Variants in MEIS1 observed in about 807,000 individuals in gnomAD.
MEIS1 encodes Meis homeobox 1.
MEIS1 carries 5 observed loss-of-function variants against 50.8 expected under a neutral mutation model. The ratio of observed to expected loss-of-function variants is 0.10; its 90% CI spans 0.05 to 0.21. The LOEUF (loss-of-function observed/expected upper bound fraction) is 0.21, where lower values mean the gene tolerates loss of function less well. MEIS1 is among the 10% of genes least tolerant of loss of function. MEIS1 has a pLI of 1.00. For missense variants in MEIS1, 318 were observed against 517.3 expected, an observed-to-expected ratio of 0.61 and a Z score of 3.74; for synonymous variants, 176 against 179.3, an observed-to-expected ratio of 0.98 and a Z score of 0.15.
chr2:66,559,815 T>C (rs1675167184), intron 9 of MEIS1, among the ~76,000 whole-genome samples: 1 of 152,150 alleles, frequency 6.6e-6, no homozygotes. Flanking sequence ...AATATAAATA[T>C]AAACCCTGTC....
Position 66,437,852 on chromosome 2 carries a change from C to T in MEIS1, c.128C>T (p.Pro43Leu), listed in dbSNP as rs553932802. The change falls in exon 2 of 13, where the codon CCT (proline) becomes CTT (leucine). Residue 43 changes from proline (P) to leucine (L), a missense_variant. Pro to Leu is a moderately conservative substitution (Grantham distance 98, BLOSUM62 -3). Coordinates refer to ENST00000272369, the MANE Select transcript of MEIS1 (RefSeq NM_002398.3). The part of the protein sequence containing the change: ...MQPVHHLNHG[P>L]PLHSHQYPHT... Reference sequence around the variant, plus strand: ...CCGGTCCACCACCTGAACCACGGGCCTCCTCTGCACTCGCATCAGTACCCG... The same window carrying T: ...CCGGTCCACCACCTGAACCACGGGCTTCCTCTGCACTCGCATCAGTACCCG... The T allele has an allele frequency of 1.2e-6, 2 of 1,613,644 alleles. No individual in the cohort carries two copies. Among genetic ancestry groups the T allele is most frequent in the Non-Finnish European group, 1.7e-6 (2 of 1,179,758 alleles).
chr2:66,509,551 G>C (rs1673772773), intron 7 of MEIS1, among the ~76,000 whole-genome samples: 1 of 152,232 alleles, frequency 6.6e-6, no homozygotes, highest in Non-Finnish European at 1.5e-5. Flanking sequence ...TTCAGGAGAG[G>C]TCACTGCCAG....
chr2:66,549,042 T>G (rs1674856053), intron 9 of MEIS1, among the ~76,000 whole-genome samples: 1 of 152,182 alleles, frequency 6.6e-6, no homozygotes. Flanking sequence ...GCACCTACAT[T>G]AACAGACCCT....
intron 6 of MEIS1, among the ~76,000 whole-genome samples, chr2:66,454,220 T>G (rs1672337886): frequency 6.6e-6 from 1 of 152,108 alleles, no homozygotes; most frequent in Non-Finnish European, 1.5e-5. Context: ...GCTTGTATTC[T>G]GCCTAACCTT....
chr2:66,439,957 T>C lies in MEIS1; in HGVS notation c.354T>C (p.Asn118=). ...GGDVCSSESF[N]EDIAVFAKQI... ...ACGTCTGCTCGTCAGAGTCATTCAATGAAGATATAGCCGTGTTCGCCAAAC... is the reference window on the plus strand; with the variant it reads ...ACGTCTGCTCGTCAGAGTCATTCAACGAAGATATAGCCGTGTTCGCCAAAC... Residue 118 remains asparagine, a synonymous_variant, in exon 3 of 13, where the codon AAT becomes AAC. Coordinates refer to ENST00000272369, the MANE Select transcript of MEIS1 (RefSeq NM_002398.3). 6.2e-7 allele frequency: 1 copy of C among 1,612,750 alleles called. No homozygotes were observed.
At chr2:66,452,391 T>C (rs555909072) in intron 6 of MEIS1, among the ~76,000 whole-genome samples, 1 of 152,050 alleles carries the variant, frequency 6.6e-6, no homozygotes, top group South Asian at 2.1e-4. Flanking sequence ...ATGGAATTCA[T>C]CTTCATGAGA....
chr2:66,491,878 A>C (rs1338709010), intron 7 of MEIS1, among the ~76,000 whole-genome samples: 1 of 152,104 alleles, frequency 6.6e-6, no homozygotes, highest in Admixed American at 6.6e-5. Flanking sequence ...CTGCACCCAG[A>C]AAATTATTAG....
intron 7 of MEIS1, among the ~76,000 whole-genome samples, chr2:66,509,690 G>C (rs556906085): frequency 7.9e-4 from 120 of 152,288 alleles, no homozygotes; most frequent in African/African-American, 2.7e-3. Context: ...GAAAGGTTCT[G>C]GTGAGTGTTA....
intron 6 of MEIS1, among the ~76,000 whole-genome samples, chr2:66,450,619 C>T (rs973458049): frequency 2.0e-5 from 3 of 152,094 alleles, no homozygotes; most frequent in Admixed American, 1.3e-4. Context: ...AATACAAAGT[C>T]TTACATTTTA....
At chr2:66,476,627 G>T (rs1003293537) in intron 7 of MEIS1, among the ~76,000 whole-genome samples, 1 of 152,128 alleles carries the variant, frequency 6.6e-6, no homozygotes, top group Non-Finnish European at 1.5e-5. Flanking sequence ...CTAACAAACT[G>T]GCACAGGGGC....
At chr2:66,506,745 T>C (rs1402651357) in intron 7 of MEIS1, among the ~76,000 whole-genome samples, 4 of 152,200 alleles carry the variant, frequency 2.6e-5, no homozygotes, top group South Asian at 2.1e-4. Context: ...GGGATGTCTA[T>C]AATTCTTGCC....
intron 9 of MEIS1, among the ~76,000 whole-genome samples, chr2:66,550,358 C>G (rs2103936124): frequency 6.6e-6 from 1 of 152,234 alleles, no homozygotes; most frequent in East Asian, 1.9e-4. Context: ...CCTCAAGTAA[C>G]TAAAAGTTGT....
chr2:66,472,896 T>G (rs2103764549), intron 7 of MEIS1, among the ~76,000 whole-genome samples: 1 of 152,280 alleles, frequency 6.6e-6, no homozygotes, highest in Non-Finnish European at 1.5e-5. Context: ...TGACTCAGAT[T>G]GATCTTCTTC....
In MEIS1 at chr2:66,573,698, C is replaced by A. The variant is rs1481882636; in HGVS notation, c.*2490C>A. On this transcript the variant is annotated 3_prime_UTR_variant, in exon 13 of 13. Coordinates refer to ENST00000272369, the MANE Select transcript of MEIS1 (RefSeq NM_002398.3). The stretch of plus-strand genomic sequence containing the variant: ...GCCATCTCTGGCAGCGCTTCTACCC[C>A]TCCCCAGCCCATAGATGGGATTGTT... 1 of 152,230 alleles carries A rather than the reference C, an allele frequency of 6.6e-6. No homozygotes were observed. The highest frequency in any genetic ancestry group is 1.5e-5 in the Non-Finnish European group (1 of 68,064). The allele number at this position is 152,230 out of a possible 1,614,324, so 9.4% of individuals were successfully genotyped here. A position where few individuals can be genotyped will look rare whatever the true frequency, so the allele number is the denominator to read the frequency against.
chr2:66,554,168 G>A (rs1301555311), intron 9 of MEIS1, among the ~76,000 whole-genome samples: 1 of 152,190 alleles, frequency 6.6e-6, no homozygotes, highest in Non-Finnish European at 1.5e-5. Context: ...TTGGGAGACT[G>A]ATTTACCCAG....
chr2:66,453,372 A>C (rs1672317509), intron 6 of MEIS1, among the ~76,000 whole-genome samples: 1 of 151,970 alleles, frequency 6.6e-6, no homozygotes, highest in South Asian at 2.1e-4. Flanking sequence ...ATTCCTTAAA[A>C]AGTGCACAGT....
chr2:66,499,767 G>C (rs1196660225), intron 7 of MEIS1, among the ~76,000 whole-genome samples: 1 of 151,376 alleles, frequency 6.6e-6, no homozygotes, highest in Non-Finnish European at 1.5e-5. Context: ...GAAAGATGTG[G>C]TCCGGATGAA....
intron 8 of MEIS1, among the ~76,000 whole-genome samples, chr2:66,532,696 A>G (rs562311600): frequency 6.6e-6 from 1 of 152,306 alleles, no homozygotes; most frequent in South Asian, 2.1e-4. Flanking sequence ...AACAAAATAT[A>G]TGCATGTAAT....
chr2:66,461,199 C>A (rs547962458), intron 6 of MEIS1, among the ~76,000 whole-genome samples: 7 of 152,132 alleles, frequency 4.6e-5, no homozygotes, highest in Non-Finnish European at 8.8e-5. Context: ...TAATCAGATG[C>A]ACATATTTTA....
Sources: gnomAD v4.1 joint callset for allele counts (sites outside exome capture counted in the v4.1 genomes callset) on GRCh38, gnomAD v4.1.1 for gene constraint, MANE v1.5 for transcripts, NCBI Gene and HGNC (gene_info 2026-07-23, HGNC 2026-07-21) for gene names.